RRP1: variants seen among roughly 807,000 people sequenced by gnomAD.
The protein encoded by RRP1 is ribosomal RNA processing 1, also known as ribosomal RNA processing protein 1 homolog A.
Under a neutral mutation model 54.6 loss-of-function variants are expected in RRP1, and 37 were observed. That is an observed-to-expected ratio of 0.68 (90% CI 0.52 to 0.89). The LOEUF (loss-of-function observed/expected upper bound fraction) is 0.89, where lower values mean the gene tolerates loss of function less well. RRP1 is among the 40% of genes least tolerant of loss of function. RRP1 has a pLI of 0.00. For synonymous variants in RRP1, 262 were observed against 244.3 expected (o/e 1.07, Z -0.67); for missense variants, 639 against 612.5 (o/e 1.04, Z -0.46).
chr21:43,793,069 C>T (rs1407049565), intron 3 of RRP1: 1 of 556,332 alleles, frequency 1.8e-6, no homozygotes, highest in African/African-American at 1.9e-5. Context: ...TTTTCTGACT[C>T]CTCTGTTCTC....
chr21:43,798,697 A>G (rs1001065902), intron 8 of RRP1, among the ~76,000 whole-genome samples: 3 of 151,852 alleles, frequency 2.0e-5, no homozygotes, highest in African/African-American at 4.8e-5. Context: ...TGCCTGCCAG[A>G]GGCCTCTGTG....
intron 8 of RRP1, among the ~76,000 whole-genome samples, chr21:43,799,361 A>G (rs549078504): frequency 4.4e-4 from 66 of 150,722 alleles, no homozygotes; most frequent in African/African-American, 1.6e-3. Context: ...TAGAGGTCAC[A>G]TGGCACCTAG....
At chr21:43,792,219 C>T (rs2084967668) in intron 2 of RRP1, among the ~76,000 whole-genome samples, 2 of 152,204 alleles carry the variant, frequency 1.3e-5, no homozygotes, top group South Asian at 4.1e-4. Context: ...TGAAATGTCC[C>T]TTAGCAAGTA....
At chr21:43,790,172 C>T (rs1285114667) in intron 1 of RRP1, among the ~76,000 whole-genome samples, 1 of 152,238 alleles carries the variant, frequency 6.6e-6, no homozygotes, top group Non-Finnish European at 1.5e-5. Context: ...GAGAGTACCT[C>T]TCTGAGGGCC....
intron 5 of RRP1, among the ~76,000 whole-genome samples, chr21:43,796,362 G>A (rs2085018217): frequency 6.6e-6 from 1 of 152,192 alleles, no homozygotes; most frequent in African/African-American, 2.4e-5. Context: ...TGAATTAAAT[G>A]TTAAAGGGAT....
intron 3 of RRP1, chr21:43,793,111 C>T: frequency 1.7e-6 from 1 of 575,738 alleles, no homozygotes; most frequent in Non-Finnish European, 3.1e-6. Context: ...TCTTACCCTG[C>T]CTGTCTGTAG....
At chr21:43,798,182 C>A in intron 8 of RRP1, 82 bp downstream of exon 8, 1 of 1,192,166 alleles carries the variant, frequency 8.4e-7, no homozygotes, top group Non-Finnish European at 1.2e-6. Context: ...GTTGCTCCTG[C>A]CACCTCCTAC....
intron 4 of RRP1, 52 bp downstream of exon 4, chr21:43,793,456 C>T: frequency 6.6e-7 from 1 of 1,505,346 alleles, no homozygotes; most frequent in Non-Finnish European, 9.2e-7. Flanking sequence ...GGTCTCAGTG[C>T]CTGGCCAAGC....
chr21:43,802,063 G>C (rs13052972), intron 11 of RRP1, among the ~76,000 whole-genome samples: 2,543 of 152,270 alleles, frequency 0.017, 27 homozygotes, highest in Non-Finnish European at 0.024. Context: ...GGATGCTCCA[G>C]GAACTGGCTT....
At chr21:43,796,138 T>A (rs936891484) in intron 5 of RRP1, among the ~76,000 whole-genome samples, 2 of 151,898 alleles carry the variant, frequency 1.3e-5, no homozygotes, top group African/African-American at 4.8e-5. Context: ...GTTTTTTGTT[T>A]TTTTTTTTTA....
At position 43,791,928 on chromosome 21, in the gene RRP1, T is replaced by C. The variant is rs549422634; in HGVS notation, c.216+496T>C. ...AGTCTTACACTTGCTGAGGTGTTGA[T>C]GTGATTGACTGAGCCGTGCACTGCA... On this transcript the variant is annotated intron_variant, in intron 2 of 12. Coordinates refer to ENST00000497547, the MANE Select transcript of RRP1 (RefSeq NM_003683.6). Among the ~76,000 whole-genome samples the C allele has an allele frequency of 7.2e-5, 11 of 152,310 alleles. No homozygotes were observed. In the South Asian group the frequency reaches 2.3e-3, roughly 32 times the overall value.
At chr21:43,803,410 C>G in intron 12 of RRP1, 102 bp from the exon 13 acceptor site, 1 of 1,423,420 alleles carries the variant, frequency 7.0e-7, no homozygotes, top group Non-Finnish European at 9.3e-7. Context: ...GCCGTGTTGT[C>G]CTCCCAGGTC....
rs376395528 is a variant in RRP1, at chr21:43,789,629, C to G, written c.-1C>G. ...GACAGGGGGTCTCGGCCGTCGGCGT[C>G]ATGGTTTCGCGCGTGCAGCTCCCGC... On this transcript the variant is annotated 5_prime_UTR_variant, in exon 1 of 13. Coordinates refer to ENST00000497547, the MANE Select transcript of RRP1 (RefSeq NM_003683.6). 4 of 1,586,988 alleles carry G rather than the reference C, an allele frequency of 2.5e-6. No individual in the cohort carries two copies. The highest frequency in any genetic ancestry group is 3.4e-6 in the Non-Finnish European group (4 of 1,168,376).
intron 4 of RRP1, 81 bp from the exon 5 acceptor site, chr21:43,795,108 C>A: frequency 7.6e-7 from 1 of 1,307,902 alleles, no homozygotes; most frequent in Non-Finnish European, 1.1e-6. Flanking sequence ...TATCCTGCAG[C>A]GGATGGTGGT....
At chr21:43,801,617 C>T (rs371407188) in intron 11 of RRP1, among the ~76,000 whole-genome samples, 6 of 152,306 alleles carry the variant, frequency 3.9e-5, no homozygotes, top group South Asian at 2.1e-4. Flanking sequence ...GGACCACAGG[C>T]GCACGCCACC....
chr21:43,803,177 G>A (rs1224924838), intron 12 of RRP1, among the ~76,000 whole-genome samples: 24 of 152,222 alleles, frequency 1.6e-4, no homozygotes, highest in Non-Finnish European at 1.5e-5. Context: ...GAACCCTGTC[G>A]GCCCTGGCGT....
rs374983239 is a variant in RRP1 at position 43,803,589 on chromosome 21, G to T, written c.1201G>T (p.Glu401Ter). 6.4e-7 allele frequency: 1 copy of T among 1,552,542 alleles called. No individual in the cohort carries two copies. The highest frequency in any genetic ancestry group is 8.7e-7 in the Non-Finnish European group (1 of 1,148,502). ...GAGGAGGGGTGTAGGGGCCGACCCC[G>T]AGGCGCGGGCAGAGGCTGGTGAGCA... ...SRRRGVGADP[E>*]ARAEAGEQPG... Residue 401 changes from glutamate (E) to a stop codon, truncating the protein, a stop_gained, in exon 13 of 13, where the codon GAG becomes TAG. Transcript: ENST00000497547. LOFTEE classifies it low-confidence loss of function (END_TRUNC).
chr21:43,802,219 C>T (rs1024605994), intron 11 of RRP1, 55 bp from the exon 12 acceptor site: 6 of 1,362,260 alleles, frequency 4.4e-6, no homozygotes, highest in Non-Finnish European at 6.3e-6. Context: ...CAGCGAGCCT[C>T]AAACCATAAG....
chr21:43,793,305 T>C lies in RRP1; in HGVS notation c.275-14T>C. ...GCTCCTCAGTGGTTCTCTTCTGGCTTATTCCTTCTCCAGAGCACCTGTTCC... is the reference window on the plus strand; with the variant it reads ...GCTCCTCAGTGGTTCTCTTCTGGCTCATTCCTTCTCCAGAGCACCTGTTCC... On this transcript the variant is annotated splice_polypyrimidine_tract_variant and intron_variant, in intron 3 of 12. Transcript: ENST00000497547. The C allele has an allele frequency of 6.2e-7, 1 of 1,613,576 alleles. No individual in the cohort carries two copies. The highest frequency in any genetic ancestry group is 8.5e-7 in the Non-Finnish European group (1 of 1,179,490).
Sources: gnomAD v4.1 joint callset for allele counts (sites outside exome capture counted in the v4.1 genomes callset) on GRCh38, gnomAD v4.1.1 for gene constraint, MANE v1.5 for transcripts, NCBI Gene and HGNC (gene_info 2026-07-23, HGNC 2026-07-21) for gene names.